The following CDH23 variants were observed in gnomAD, a reference collection of about 807,000 sequenced individuals.
CDH23 encodes the protein cadherin-23.
Under a neutral mutation model 317.1 loss-of-function variants are expected in CDH23, and 189 were observed. The ratio of observed to expected loss-of-function variants is 0.60; its 90% CI spans 0.53 to 0.67. The LOEUF is 0.67. Ranked by LOEUF, CDH23 falls within the 30% of genes least tolerant of loss-of-function variation. The pLI is 0.00. For missense variants in CDH23, 4,401 were observed against 4,592.4 expected, an observed-to-expected ratio of 0.96 and a Z score of 1.20; for synonymous variants, 1,839 against 1,876.8, an observed-to-expected ratio of 0.98 and a Z score of 0.52.
chr10:71,467,079 C>T (rs7092700), intron 3 of CDH23, among the ~76,000 whole-genome samples: 20,738 of 152,020 alleles, frequency 0.14, 2,043 homozygotes, highest in African/African-American at 0.26. Context: ...TGTTTCTCCG[C>T]AGAGGATGCT....
chr10:71,673,193 C>G (rs1434533040), intron 14 of CDH23, among the ~76,000 whole-genome samples: 1 of 152,234 alleles, frequency 6.6e-6, no homozygotes, highest in African/African-American at 2.4e-5. Context: ...CTGTGCTGTG[C>G]AGTGAGCCCC....
chr10:71,506,351 T>C (rs1853638706), intron 3 of CDH23, among the ~76,000 whole-genome samples: 1 of 152,218 alleles, frequency 6.6e-6, no homozygotes, highest in South Asian at 2.1e-4. Context: ...TGCCACTGAA[T>C]TGTGTACTTT....
chr10:71,625,280 G>A (rs1013550605), intron 11 of CDH23, among the ~76,000 whole-genome samples: 5 of 151,020 alleles, frequency 3.3e-5, no homozygotes, highest in African/African-American at 1.2e-4. Context: ...ACATCTGGCA[G>A]GAACTGATTC....
chr10:71,768,045 G>A (rs986713997), intron 38 of CDH23, among the ~76,000 whole-genome samples: 9 of 152,212 alleles, frequency 5.9e-5, no homozygotes, highest in African/African-American at 2.2e-4. Flanking sequence ...GCTCCAGCCA[G>A]CCACCCTCAC....
intron 6 of CDH23, among the ~76,000 whole-genome samples, chr10:71,541,617 C>T (rs1349136057): frequency 1.3e-5 from 2 of 152,242 alleles, no homozygotes; most frequent in Non-Finnish European, 2.9e-5. Context: ...CCAGCTCCCT[C>T]CTTGGGTTTT....
intron 7 of CDH23, among the ~76,000 whole-genome samples, chr10:71,568,078 A>T (rs1324382922): frequency 6.6e-6 from 1 of 152,224 alleles, no homozygotes; most frequent in African/African-American, 2.4e-5. Flanking sequence ...CTTGGCCAAG[A>T]TGCAGAGAGA....
At chr10:71,676,140 T>C (rs1864359590) in intron 15 of CDH23, among the ~76,000 whole-genome samples, 1 of 150,734 alleles carries the variant, frequency 6.6e-6, no homozygotes, top group African/African-American at 2.4e-5. Flanking sequence ...ACTCCTGACC[T>C]CAGGTGATCC....
chr10:71,592,509 T>A (rs1406814863), intron 9 of CDH23, among the ~76,000 whole-genome samples: 1 of 152,100 alleles, frequency 6.6e-6, no homozygotes, highest in Non-Finnish European at 1.5e-5. Flanking sequence ...TTCCACCTCT[T>A]CTGGTGGCTG....
At position 71,702,218 on chromosome 10, in the gene CDH23, A is replaced by G; in HGVS notation, c.2587+7A>G. The G allele has an allele frequency of 6.2e-7, 1 of 1,611,750 alleles. No homozygotes were observed. The highest frequency in any genetic ancestry group is 8.5e-7 in the Non-Finnish European group (1 of 1,178,856). ...GTCGTCTCTGTTACTGACTGTATGG[A>G]CCCCTCTCGCCCCTCACGGCCCCCA... On this transcript the variant is annotated splice_region_variant and intron_variant, in intron 23 of 69. Transcript: ENST00000224721.
At chr10:71,797,598 A>G (rs556816237) in intron 49 of CDH23, among the ~76,000 whole-genome samples, 26 of 152,330 alleles carry the variant, frequency 1.7e-4, no homozygotes, top group South Asian at 4.1e-4. Context: ...TGGGAACCCT[A>G]TGATCTTATA....
At chr10:71,590,544 G>A (rs1331564795) in intron 9 of CDH23, among the ~76,000 whole-genome samples, 2 of 152,170 alleles carry the variant, frequency 1.3e-5, no homozygotes, top group Non-Finnish European at 2.9e-5. Flanking sequence ...ACTTCACAAC[G>A]ACGTCCGGCA....
intron 1 of CDH23, among the ~76,000 whole-genome samples, chr10:71,425,219 CAGAGAGAGAGAGGGAGAGAG>C (rs1277235328): frequency 0.021 from 1,133 of 55,172 alleles, 43 homozygotes; most frequent in Middle Eastern, 0.047. Context: ...CACAGTGGGG[CAGAGAGAGAGAGGGAGAGAG>C]AGAGAGAGAG....
intron 6 of CDH23, among the ~76,000 whole-genome samples, chr10:71,530,971 C>A (rs911141605): frequency 6.6e-6 from 1 of 152,246 alleles, no homozygotes; most frequent in Non-Finnish European, 1.5e-5. Flanking sequence ...GAGAGCCTGT[C>A]TGAACACCTT....
chr10:71,667,822 G>A (rs1207430146), intron 14 of CDH23, among the ~76,000 whole-genome samples: 2 of 152,142 alleles, frequency 1.3e-5, no homozygotes, highest in African/African-American at 4.8e-5. Context: ...GGCATAAGAT[G>A]TTGCGCTGAG....
chr10:71,799,112 G>A lies in CDH23; in HGVS notation c.7056G>A (p.Gly2352=), dbSNP rs1589428423. The change falls in exon 51 of 70, where the codon GGG becomes GGA. Residue 2352 remains glycine (G), a splice_region_variant and synonymous_variant. Transcript: ENST00000224721. Reference sequence around the variant, plus strand: ...GCAGTGGGAGCCTCTGTGTCTTAGGGAAGGTCATTGCCAACCGGACAGTGG... The same window carrying A: ...GCAGTGGGAGCCTCTGTGTCTTAGGAAAGGTCATTGCCAACCGGACAGTGG... ...GYVQLEDSSA[G]KVIANRTVDY... 1.9e-6 allele frequency: 3 copies of A among 1,612,516 alleles called. No homozygotes were observed. The highest frequency in any genetic ancestry group is 1.7e-6 in the Non-Finnish European group (2 of 1,178,708).
intron 18 of CDH23, among the ~76,000 whole-genome samples, chr10:71,683,944 C>A (rs563007127): frequency 6.6e-6 from 1 of 151,988 alleles, no homozygotes; most frequent in Non-Finnish European, 1.5e-5. Flanking sequence ...AGCCAGGCAT[C>A]GTGGCAGGTG....
chr10:71,642,095 A>AAAC (rs565616465), intron 11 of CDH23, among the ~76,000 whole-genome samples: 3,143 of 150,592 alleles, frequency 0.021, 107 homozygotes, highest in African/African-American at 0.073. Context: ...GCTTCCATCT[A>AAAC]AATAATAATA....
intron 45 of CDH23, 118 bp downstream of exon 45, chr10:71,789,160 G>A (rs975612715): frequency 1.9e-5 from 12 of 615,418 alleles, no homozygotes; most frequent in South Asian, 5.8e-5. Flanking sequence ...CAGTGGGTGC[G>A]GGAGGGGAAG....
intron 3 of CDH23, among the ~76,000 whole-genome samples, chr10:71,496,249 T>C (rs983206784): frequency 5.3e-5 from 8 of 152,238 alleles, no homozygotes; most frequent in Admixed American, 4.6e-4. Context: ...CAGGTTGAGA[T>C]GCATGGCCTC....
Sources: gnomAD v4.1 joint callset for allele counts (sites outside exome capture counted in the v4.1 genomes callset) on GRCh38, gnomAD v4.1.1 for gene constraint, MANE v1.5 for transcripts, NCBI Gene and HGNC (gene_info 2026-07-23, HGNC 2026-07-21) for gene names.